COL24A1: variants seen among roughly 807,000 people sequenced by gnomAD.
The protein encoded by COL24A1 is collagen alpha-1(XXIV) chain.
COL24A1 carries 224 observed loss-of-function variants against 253.9 expected under a neutral mutation model. That is an observed-to-expected ratio of 0.88 (90% CI 0.79 to 0.99). The LOEUF is 0.99. Among genes scored for constraint, COL24A1 ranks in the 50% least tolerant of loss-of-function variants. The pLI, the probability that COL24A1 is intolerant of heterozygous loss-of-function variation, is 0.00. For missense variants in COL24A1, 2,131 were observed against 2,068.5 expected (o/e 1.03, Z -0.59); for synonymous variants, 685 against 673.7 (o/e 1.02, Z -0.26).
At chr1:86,145,145 C>A (rs1651699327) in intron 2 of COL24A1, among the ~76,000 whole-genome samples, 1 of 152,090 alleles carries the variant, frequency 6.6e-6, no homozygotes, top group Non-Finnish European at 1.5e-5. Flanking sequence ...CAGAGTACCA[C>A]TCTTCCTTTT....
intron 14 of COL24A1, among the ~76,000 whole-genome samples, chr1:86,028,485 G>A (rs934218515): frequency 1.4e-4 from 18 of 127,244 alleles, no homozygotes; most frequent in Non-Finnish European, 2.6e-4. Flanking sequence ...CATTTCCCCT[G>A]TTTGCATTCA....
intron 19 of COL24A1, among the ~76,000 whole-genome samples, chr1:85,989,993 C>A (rs1005931353): frequency 6.6e-6 from 1 of 152,162 alleles, no homozygotes; most frequent in African/African-American, 2.4e-5. Flanking sequence ...ATTGTAAACT[C>A]TTTGAGTGCA....
At position 86,031,942 on chromosome 1, in the gene COL24A1, C is replaced by A; in HGVS notation, c.2005-20G>T. 1 of 1,602,498 alleles carries A rather than the reference C, an allele frequency of 6.2e-7. No homozygotes were observed. The highest frequency in any genetic ancestry group is 8.5e-7 in the Non-Finnish European group (1 of 1,173,284). On this transcript the variant is annotated intron_variant, in intron 13 of 59. Transcript: ENST00000370571. The stretch of plus-strand genomic sequence containing the variant: ...AAGTCCCTATTGTAAAAGAAATTTG[C>A]AATACTTATTAAATTTGATTCCCAA...
chr1:85,832,452 A>G (rs906927268), intron 43 of COL24A1, among the ~76,000 whole-genome samples: 2 of 151,490 alleles, frequency 1.3e-5, no homozygotes, highest in Non-Finnish European at 2.9e-5. Context: ...GTTTTTTCCA[A>G]TTCTGTGAAG....
intron 24 of COL24A1, among the ~76,000 whole-genome samples, chr1:85,948,759 A>G (rs1689598114): frequency 6.6e-6 from 1 of 151,652 alleles, no homozygotes. Context: ...TGGCAGAGAT[A>G]CAACAAAAAA....
rs529823191 is a variant in COL24A1 at position 85,755,033 on chromosome 1, A to G, written c.4437+6363T>C. ...TCAAACTATCTAATGCTATAGACAA[A>G]GAGAGAATTCTGAAAGCAGAGAGGA... On this transcript the variant is annotated intron_variant, in intron 55 of 59. Transcript: ENST00000370571. Among the ~76,000 whole-genome samples, 3 of 152,316 alleles carry G rather than the reference A, an allele frequency of 2.0e-5. No individual in the cohort carries two copies. In the East Asian group the frequency reaches 5.8e-4, roughly 29 times the overall value.
intron 1 of COL24A1, among the ~76,000 whole-genome samples, chr1:86,149,757 G>A (rs759634811): frequency 1.3e-5 from 2 of 152,186 alleles, no homozygotes; most frequent in Non-Finnish European, 2.9e-5. Context: ...TTCCTGGTGT[G>A]AGGCAGGAAA....
intron 12 of COL24A1, 101 bp from the exon 13 acceptor site, chr1:86,034,024 ACT>A: frequency 1.2e-6 from 1 of 810,134 alleles, no homozygotes; most frequent in Non-Finnish European, 1.9e-6. Flanking sequence ...TAATTTCCTA[ACT>A]CTTAAACTGT....
intron 55 of COL24A1, among the ~76,000 whole-genome samples, chr1:85,755,574 C>T (rs558906404): frequency 6.6e-6 from 1 of 152,164 alleles, no homozygotes; most frequent in Admixed American, 6.5e-5. Context: ...TAAACCTTCT[C>T]ATTTATGATC....
intron 37 of COL24A1, among the ~76,000 whole-genome samples, chr1:85,862,236 T>C (rs1033302699): frequency 6.6e-6 from 1 of 152,228 alleles, no homozygotes; most frequent in African/African-American, 2.4e-5. Context: ...GGTAGTCTTG[T>C]TCCCCACTGT....
chr1:85,950,180 C>T (rs556317227), intron 24 of COL24A1, among the ~76,000 whole-genome samples: 18 of 150,534 alleles, frequency 1.2e-4, no homozygotes, highest in East Asian at 8.0e-4. Flanking sequence ...TTGTCTCTCA[C>T]GAACACATAA....
rs762724671 is a variant in COL24A1 at position 86,124,948 on chromosome 1, T to C, written c.1388A>G (p.Asn463Ser). ...FYPDATYPIE[N>S]SYETELYDYY... ...ATCATAAAGCTCAGTTTCATAGCTA[T>C]TTTCGATGGGATAAGTAGCATCAGG... Residue 463 changes from asparagine to serine, a missense_variant, in exon 3 of 60, where the codon AAT becomes AGT. By Grantham distance (46) the Asn-to-Ser change is conservative. Coordinates refer to ENST00000370571, the MANE Select transcript of COL24A1 (RefSeq NM_152890.7). 1 of 1,612,744 alleles carries C rather than the reference T, an allele frequency of 6.2e-7. No homozygotes were observed. Among genetic ancestry groups the C allele is most frequent in the African/African-American group, 1.3e-5 (1 of 74,840 alleles).
At chr1:85,977,188 G>A (rs1337906126) in intron 20 of COL24A1, among the ~76,000 whole-genome samples, 1 of 152,172 alleles carries the variant, frequency 6.6e-6, no homozygotes, top group Non-Finnish European at 1.5e-5. Context: ...ACCACATCAA[G>A]GGATCACCCC....
chr1:86,092,399 C>T, intron 5 of COL24A1, 79 bp from the exon 6 acceptor site: 1 of 1,004,512 alleles, frequency 1.0e-6, no homozygotes, highest in Non-Finnish European at 1.5e-6. Flanking sequence ...TATTTATTAC[C>T]AGATGTTATA....
At chr1:86,032,961 T>C (rs1698697993) in intron 13 of COL24A1, among the ~76,000 whole-genome samples, 1 of 152,132 alleles carries the variant, frequency 6.6e-6, no homozygotes, top group Admixed American at 6.6e-5. Context: ...TTTATTATGC[T>C]TGAAATGGGA....
chr1:85,899,958 A>G (rs1033808796), intron 28 of COL24A1, among the ~76,000 whole-genome samples: 22 of 152,196 alleles, frequency 1.4e-4, no homozygotes, highest in African/African-American at 5.3e-4. Context: ...ATTTTTTCAA[A>G]TGTTAAAAAG....
intron 2 of COL24A1, among the ~76,000 whole-genome samples, chr1:86,129,439 A>G (rs909818389): frequency 6.6e-6 from 1 of 151,602 alleles, no homozygotes; most frequent in South Asian, 2.1e-4. Context: ...TTTATTAATT[A>G]TCTCTTCCCA....
intron 5 of COL24A1, among the ~76,000 whole-genome samples, chr1:86,106,600 G>T (rs931703430): frequency 6.6e-6 from 1 of 152,140 alleles, no homozygotes; most frequent in East Asian, 1.9e-4. Flanking sequence ...ATAATTTTAC[G>T]TGTTTAATTA....
At chr1:85,783,679 G>T in intron 50 of COL24A1, 121 bp from the exon 51 acceptor site, 1 of 865,922 alleles carries the variant, frequency 1.2e-6, no homozygotes, top group Non-Finnish European at 1.8e-6. Flanking sequence ...TGTTGTGCAT[G>T]CTGAAGAATT....
Sources: gnomAD v4.1 joint callset for allele counts (sites outside exome capture counted in the v4.1 genomes callset) on GRCh38, gnomAD v4.1.1 for gene constraint, MANE v1.5 for transcripts, NCBI Gene and HGNC (gene_info 2026-07-23, HGNC 2026-07-21) for gene names.